Variants in SLC2A4 observed in about 807,000 individuals in gnomAD.
SLC2A4 encodes the protein solute carrier family 2 member 4.
A neutral mutation model predicts 53.3 loss-of-function variants in SLC2A4; 31 were observed. That is an observed-to-expected ratio of 0.58 (90% CI 0.44 to 0.78). The LOEUF (loss-of-function observed/expected upper bound fraction) is 0.78. Among genes scored for constraint, SLC2A4 ranks in the 30% least tolerant of loss-of-function variants. SLC2A4 has a pLI of 0.00. For missense variants in SLC2A4, 538 were observed against 655.7 expected, an observed-to-expected ratio of 0.82 and a Z score of 1.96; for synonymous variants, 276 against 281.9, an observed-to-expected ratio of 0.98 and a Z score of 0.21.
Position 7,281,832 on chromosome 17 carries a change from C to T in SLC2A4, c.-103C>T, listed in dbSNP as rs2072404131. On this transcript the variant is annotated 5_prime_UTR_variant, in exon 1 of 11. Coordinates refer to ENST00000317370, the MANE Select transcript of SLC2A4 (RefSeq NM_001042.3). ...CGCCCTCGCACGTCACTCCGGGACC[C>T]CCGCGGCCTCCGCAGGTTCTGCGCT... 7.9e-6 allele frequency: 10 copies of T among 1,262,022 alleles called. No individual in the cohort carries two copies. Among genetic ancestry groups the T allele is most frequent in the Non-Finnish European group, 1.1e-5 (10 of 884,264 alleles). 78.2% of individuals were successfully genotyped at this position (1,262,022 alleles called of 1,614,324 possible).
rs371111339 is a variant in SLC2A4 at position 7,285,080 on chromosome 17, C to A, written c.1021-8C>A. On this transcript the variant is annotated splice_polypyrimidine_tract_variant and splice_region_variant and intron_variant, in intron 8 of 10. Transcript: ENST00000317370. The surrounding 1 kb of genome is among the most constrained non-coding windows in gnomAD (Gnocchi z 6.0). The stretch of plus-strand genomic sequence containing the variant: ...AAGGCTGGGGTCAAGCTCCGACTCT[C>A]CCCGCAGGTGTTGTTGGTGGAGCGG... 6.8e-6 allele frequency: 11 copies of A among 1,606,886 alleles called. No individual in the cohort carries two copies. Among genetic ancestry groups the A allele is most frequent in the Non-Finnish European group, 9.3e-6 (11 of 1,177,414 alleles).
chr17:7,286,511 C>G lies in SLC2A4; in HGVS notation c.1412C>G (p.Thr471Ser). 6.2e-7 allele frequency: 1 copy of G among 1,614,172 alleles called. No homozygotes were observed. The highest frequency in any genetic ancestry group is 8.5e-7 in the Non-Finnish European group (1 of 1,180,024). ...FIFTFLRVPE[T>S]RGRTFDQISA... ...TTCACCTTCTTAAGAGTACCTGAAA[C>G]TCGAGGCCGGACGTTTGACCAGATC... is the stretch of plus-strand genomic sequence containing the variant. The change falls in exon 11 of 11, where the codon ACT becomes AGT. Residue 471 changes from threonine to serine, a missense_variant. Physicochemically the swap from Thr to Ser is moderately conservative, Grantham distance 58 (BLOSUM62 1). Coordinates refer to ENST00000317370, the MANE Select transcript of SLC2A4 (RefSeq NM_001042.3).
chr17:7,283,477 T>C lies in SLC2A4; in HGVS notation c.155T>C (p.Ile52Thr), dbSNP rs764370457. The C allele has an allele frequency of 1.9e-5, 30 of 1,613,172 alleles. No individual in the cohort carries two copies. The South Asian group carries it at 2.1e-4, about 11-fold the overall frequency. Residue 52 changes from isoleucine (I) to threonine (T), a missense_variant, in exon 3 of 11, where the codon ATT becomes ACT. Ile to Thr is a moderately conservative substitution (Grantham distance 89). Coordinates refer to ENST00000317370, the MANE Select transcript of SLC2A4 (RefSeq NM_001042.3). The surrounding 1 kb of genome is among the most constrained non-coding windows in gnomAD (Gnocchi z 5.8). The stretch of plus-strand genomic sequence containing the variant: ...CTGTCCTCTGCTGTCCCCCAGGTGA[T>C]TGAACAGAGCTACAATGAGACGTGG... ...IGVINAPQKV[I>T]EQSYNETWLG...
rs369328286 is a variant in SLC2A4, at chr17:7,283,836, G to C, written c.422G>C (p.Gly141Ala). The C allele has an allele frequency of 7.4e-6, 12 of 1,614,008 alleles. No homozygotes were observed. The highest frequency in any genetic ancestry group is 1.3e-5 in the African/African-American group (1 of 74,932). ...GCCTCCTATGAAATGCTCATCCTTG[G>C]ACGATTCCTCATTGGCGCCTACTCA... ...AAASYEMLILGRFLIGAYSGL... is the reference protein window; with the variant it reads ...AAASYEMLILARFLIGAYSGL... The change falls in exon 4 of 11, where the codon GGA (glycine) becomes GCA (alanine). Residue 141 changes from glycine (G) to alanine (A), a missense_variant. By Grantham distance (60) the Gly-to-Ala change is moderately conservative. Transcript: ENST00000317370. The surrounding 1 kb of genome is among the most constrained non-coding windows in gnomAD (Gnocchi z 5.8).
At position 7,281,957 on chromosome 17, in the gene SLC2A4, T is replaced by A; in HGVS notation, c.23T>A (p.Ile8Lys). MPSGFQQ[I>K]GSEDGEPPQQ... ...GAGATGCCGTCGGGCTTCCAACAGATAGGCTCCGAAGTAGGATTCATCATG... is the reference window on the plus strand; with the variant it reads ...GAGATGCCGTCGGGCTTCCAACAGAAAGGCTCCGAAGTAGGATTCATCATG... Residue 8 changes from isoleucine (I) to lysine (K), a missense_variant, in exon 1 of 11, where the codon ATA (isoleucine) becomes AAA (lysine). Coordinates refer to ENST00000317370, the MANE Select transcript of SLC2A4 (RefSeq NM_001042.3). 6.8e-7 allele frequency: 1 copy of A among 1,480,950 alleles called. No individual in the cohort carries two copies. The highest frequency in any genetic ancestry group is 9.2e-7 in the Non-Finnish European group (1 of 1,081,082). The allele number at this position is 1,480,950 out of a possible 1,614,324, so 91.7% of individuals were successfully genotyped here.
In SLC2A4 at chr17:7,282,280, G is replaced by T; in HGVS notation, c.33+313G>T. ...GACACCCTGCCCTCGATCCGACTCG[G>T]GAAAGCAGATCCAGGCGGGTCTTGC... On this transcript the variant is annotated intron_variant, in intron 1 of 10. Coordinates refer to ENST00000317370, the MANE Select transcript of SLC2A4 (RefSeq NM_001042.3). The surrounding 1 kb of genome is among the most constrained non-coding windows in gnomAD (Gnocchi z 4.1). The T allele has an allele frequency of 1.8e-6, 1 of 568,558 alleles. No individual in the cohort carries two copies. Among genetic ancestry groups the T allele is most frequent in the South Asian group, 1.5e-5 (1 of 65,110 alleles). The allele number at this position is 568,558 out of a possible 1,614,324, so 35.2% of individuals were successfully genotyped here. A position where few individuals can be genotyped will look rare whatever the true frequency, so the allele number is the denominator to read the frequency against.
intron 1 of SLC2A4, 28 bp downstream of exon 1, chr17:7,281,995 G>T: frequency 6.5e-7 from 1 of 1,527,080 alleles, no homozygotes; most frequent in Non-Finnish European, 9.0e-7. Flanking sequence ...GGGGCGGGGC[G>T]GGGGGGCACG....
Position 7,285,610 on chromosome 17 carries a change from G to A in SLC2A4, c.1123-95G>A, listed in dbSNP as rs1381517353. 2 of 1,215,602 alleles carry A rather than the reference G, an allele frequency of 1.6e-6. No homozygotes were observed. Among genetic ancestry groups the A allele is most frequent in the Non-Finnish European group, 2.4e-6 (2 of 829,988 alleles). 75.3% of individuals were successfully genotyped at this position (1,215,602 alleles called of 1,614,324 possible). ...GACAGCAGGCCCCCTACAAGCTGCTGCGGAGGGGGTTAGGTTTCACTTCTC... is the reference window on the plus strand; with the variant it reads ...GACAGCAGGCCCCCTACAAGCTGCTACGGAGGGGGTTAGGTTTCACTTCTC... On this transcript the variant is annotated intron_variant, in intron 9 of 10. Transcript: ENST00000317370. The surrounding 1 kb of genome is among the most constrained non-coding windows in gnomAD (Gnocchi z 6.0).
chr17:7,287,181 G>C lies in SLC2A4; in HGVS notation c.*552G>C, dbSNP rs2072459470. 6.7e-6 allele frequency: 1 copy of C among 148,478 alleles called. No individual in the cohort carries two copies. Among genetic ancestry groups the C allele is most frequent in the South Asian group, 1.9e-4 (1 of 5,210 alleles). The allele number at this position is 148,478 out of a possible 1,614,324, so 9.2% of individuals were successfully genotyped here. ...GCTCTGTCGCCCAGGCTCGAGTGCA[G>C]TGGCGTGATCTTGCTTCACTGCAAG... On this transcript the variant is annotated 3_prime_UTR_variant, in exon 11 of 11. Coordinates refer to ENST00000317370, the MANE Select transcript of SLC2A4 (RefSeq NM_001042.3).
At position 7,282,239 on chromosome 17, in the gene SLC2A4, GC is replaced by G. The variant is rs1350548730; in HGVS notation, c.33+273del. 4 of 604,104 alleles carry G rather than the reference GC, an allele frequency of 6.6e-6. No individual in the cohort carries two copies. Among genetic ancestry groups the G allele is most frequent in the Admixed American group, 4.4e-5 (2 of 44,962 alleles). 37.4% of individuals were successfully genotyped at this position (604,104 alleles called of 1,614,324 possible). A position where few individuals can be genotyped will look rare whatever the true frequency, so the allele number is the denominator to read the frequency against. On this transcript the variant is annotated intron_variant, in intron 1 of 10. Coordinates refer to ENST00000317370, the MANE Select transcript of SLC2A4 (RefSeq NM_001042.3). This position sits in a 1 kb window ranked among gnomAD's most constrained non-coding sequence, Gnocchi z 4.1. ...ACCCCCTTGCCTAGTAGGCGGCGCGGCGCTCCGGAATCGGGGACACCCTGCC... is the reference window on the plus strand; with the variant it reads ...ACCCCCTTGCCTAGTAGGCGGCGCGGGCTCCGGAATCGGGGACACCCTGCC...
rs2072432647 is a variant in SLC2A4 at position 7,284,625 on chromosome 17, A to G, written c.868A>G (p.Ile290Val). 6.2e-7 allele frequency: 1 copy of G among 1,614,016 alleles called. No individual in the cohort carries two copies. The highest frequency in any genetic ancestry group is 1.1e-5 in the South Asian group (1 of 91,090). Residue 290 changes from isoleucine to valine, a missense_variant, in exon 7 of 11, where the codon ATT becomes GTT. Transcript: ENST00000317370. This position sits in a 1 kb window ranked among gnomAD's most constrained non-coding sequence, Gnocchi z 7.5. ...CCGTACCCACCGGCAGCCCCTGATC[A>G]TTGCGGTCGTGCTGCAGCTGAGCCA... ...GSRTHRQPLI[I>V]AVVLQLSQQL...
rs1424867816 is a variant in SLC2A4, at chr17:7,285,490, C to G, written c.1123-215C>G. Among the ~76,000 whole-genome samples, 5 of 152,156 alleles carry G rather than the reference C, an allele frequency of 3.3e-5. No homozygotes were observed. Among genetic ancestry groups the G allele is most frequent in the Non-Finnish European group, 7.3e-5 (5 of 68,030 alleles). On this transcript the variant is annotated intron_variant, in intron 9 of 10. Coordinates refer to ENST00000317370, the MANE Select transcript of SLC2A4 (RefSeq NM_001042.3). The surrounding 1 kb of genome is among the most constrained non-coding windows in gnomAD (Gnocchi z 6.0). ...AGCTTTAGAGTCCAGGGAGAGCTGA[C>G]CGTCATAAGAACTGAGAGGCCATAA...
At position 7,285,689 on chromosome 17, in the gene SLC2A4, CCT is replaced by C; in HGVS notation, c.1123-15_1123-14del. On this transcript the variant is annotated splice_polypyrimidine_tract_variant and intron_variant, in intron 9 of 10. Coordinates refer to ENST00000317370, the MANE Select transcript of SLC2A4 (RefSeq NM_001042.3). This position sits in a 1 kb window ranked among gnomAD's most constrained non-coding sequence, Gnocchi z 6.0. The stretch of plus-strand genomic sequence containing the variant: ...GGCCTCAACTGGATTCTCCACCCTC[CCT>C]GTCTGGCCCCTAGGAGCGAGTTCCA... 2.5e-6 allele frequency: 4 copies of C among 1,613,590 alleles called. No homozygotes were observed. Among genetic ancestry groups the C allele is most frequent in the Non-Finnish European group, 3.4e-6 (4 of 1,179,488 alleles).
In SLC2A4 at chr17:7,282,891, TCA is replaced by T. The variant is rs1356977517; in HGVS notation, c.34-351_34-350del. 2.6e-6 allele frequency: 1 copy of T among 381,240 alleles called. No individual in the cohort carries two copies. Among genetic ancestry groups the T allele is most frequent in the Non-Finnish European group, 5.0e-6 (1 of 198,336 alleles). The allele number at this position is 381,240 out of a possible 1,614,324, so 23.6% of individuals were successfully genotyped here. ...CAAGGCAGGCAACATCACCCCCATC[TCA>T]CAGAGGACACTCAGGTTCGGGGCAG... On this transcript the variant is annotated intron_variant, in intron 1 of 10. Transcript: ENST00000317370. This position sits in a 1 kb window ranked among gnomAD's most constrained non-coding sequence, Gnocchi z 4.1.
chr17:7,286,936 C>T lies in SLC2A4; in HGVS notation c.*307C>T, dbSNP rs1230780463. ...CTTCCCCAGACTCAGCTCCAGAATA[C>T]CTTCTTCGCTGCTAGAGAAGGGGGA... On this transcript the variant is annotated 3_prime_UTR_variant, in exon 11 of 11. Coordinates refer to ENST00000317370, the MANE Select transcript of SLC2A4 (RefSeq NM_001042.3). The T allele has an allele frequency of 2.6e-6, 1 of 391,236 alleles. No individual in the cohort carries two copies. The highest frequency in any genetic ancestry group is 4.9e-6 in the Non-Finnish European group (1 of 205,062). The allele number at this position is 391,236 out of a possible 1,614,324, so 24.2% of individuals were successfully genotyped here.
At position 7,283,386 on chromosome 17, in the gene SLC2A4, G is replaced by A; in HGVS notation, c.150+25G>A. 10 of 1,611,300 alleles carry A rather than the reference G, an allele frequency of 6.2e-6. No individual in the cohort carries two copies. Among genetic ancestry groups the A allele is most frequent in the Non-Finnish European group, 8.5e-6 (10 of 1,177,726 alleles). On this transcript the variant is annotated intron_variant, in intron 2 of 10. Coordinates refer to ENST00000317370, the MANE Select transcript of SLC2A4 (RefSeq NM_001042.3). The surrounding 1 kb of genome is among the most constrained non-coding windows in gnomAD (Gnocchi z 5.8). ...GGTGAGGGCCTGCAGCTGGCAGGGTGGGGGTACCCAAACGAGGAGGACAGG... is the reference window on the plus strand; with the variant it reads ...GGTGAGGGCCTGCAGCTGGCAGGGTAGGGGTACCCAAACGAGGAGGACAGG...
In SLC2A4 at chr17:7,284,600, C is replaced by G. The variant is rs536228774; in HGVS notation, c.843C>G (p.Ser281Arg). 3.1e-6 allele frequency: 5 copies of G among 1,614,168 alleles called. No individual in the cohort carries two copies. In the South Asian group the frequency reaches 5.5e-5, roughly 18 times the overall value. Residue 281 changes from serine (S) to arginine (R), a missense_variant, in exon 7 of 11, where the codon AGC becomes AGG. Coordinates refer to ENST00000317370, the MANE Select transcript of SLC2A4 (RefSeq NM_001042.3). This position sits in a 1 kb window ranked among gnomAD's most constrained non-coding sequence, Gnocchi z 7.5. ...TGTCCCTGCTCCAGCTCCTGGGCAGCCGTACCCACCGGCAGCCCCTGATCA... is the reference window on the plus strand; with the variant it reads ...TGTCCCTGCTCCAGCTCCTGGGCAGGCGTACCCACCGGCAGCCCCTGATCA... ...RPLSLLQLLG[S>R]RTHRQPLIIA... is the part of the protein sequence containing the mutation.
rs2072413486 is a variant in SLC2A4, at chr17:7,282,768, A to G, written c.34-477A>G. ...AGGGGAGGGAAGAGGACAGTGGCTGATGATAATAATGCACGTGTTAATTTA... is the reference window on the plus strand; with the variant it reads ...AGGGGAGGGAAGAGGACAGTGGCTGGTGATAATAATGCACGTGTTAATTTA... On this transcript the variant is annotated intron_variant, in intron 1 of 10. Coordinates refer to ENST00000317370, the MANE Select transcript of SLC2A4 (RefSeq NM_001042.3). The surrounding 1 kb of genome is among the most constrained non-coding windows in gnomAD (Gnocchi z 4.1). Among the ~76,000 whole-genome samples the G allele has an allele frequency of 6.6e-6, 1 of 152,258 alleles. No individual in the cohort carries two copies. Among genetic ancestry groups the G allele is most frequent in the Non-Finnish European group, 1.5e-5 (1 of 68,040 alleles).
At chr17:7,286,331 A>G in intron 10 of SLC2A4, 95 bp from the exon 11 acceptor site, 1 of 994,986 alleles carries the variant, frequency 1.0e-6, no homozygotes, top group Non-Finnish European at 1.6e-6. Flanking sequence ...CCGTCCCCCC[A>G]GCTCCCTATG....
Sources: gnomAD v4.1 joint callset for allele counts (sites outside exome capture counted in the v4.1 genomes callset) on GRCh38, gnomAD v4.1.1 for gene constraint, Gnocchi (gnomAD v3.1) non-coding constraint, MANE v1.5 for transcripts, NCBI Gene and HGNC (gene_info 2026-07-23, HGNC 2026-07-21) for gene names.